The following CNTN4 variants were observed in gnomAD, a reference collection of about 807,000 sequenced individuals.
The protein encoded by CNTN4 is contactin 4, also known as contactin-4.
CNTN4 carries 77 observed loss-of-function variants against 122.5 expected under a neutral mutation model. The observed-to-expected ratio is 0.63, with a 90% confidence interval of 0.52 to 0.76. CNTN4 has a LOEUF of 0.76. CNTN4 is among the 30% of genes least tolerant of loss of function. The pLI, the probability that CNTN4 is intolerant of heterozygous loss-of-function variation, is 0.00. For synonymous variants in CNTN4, 512 were observed against 447.0 expected (o/e 1.15, Z -1.83); for missense variants, 1,256 against 1,259.1 (o/e 1.00, Z 0.04).
intron 3 of CNTN4, among the ~76,000 whole-genome samples, chr3:2,426,504 T>C (rs1488639766): frequency 6.6e-6 from 1 of 152,102 alleles, no homozygotes; most frequent in African/African-American, 2.4e-5. Flanking sequence ...CATCGATGTT[T>C]ATCATGGATA....
chr3:2,525,801 A>C (rs1421783312), intron 3 of CNTN4, among the ~76,000 whole-genome samples: 1 of 152,170 alleles, frequency 6.6e-6, no homozygotes, highest in African/African-American at 2.4e-5. Context: ...ACTGAAGGAA[A>C]TGGTTGATTA....
At chr3:2,828,777 A>G (rs1219424679) in intron 7 of CNTN4, among the ~76,000 whole-genome samples, 4 of 152,080 alleles carry the variant, frequency 2.6e-5, no homozygotes, top group African/African-American at 4.8e-5. Flanking sequence ...ATCTCACTCT[A>G]TCACCTAGTC....
chr3:2,524,775 A>T (rs912832254), intron 3 of CNTN4, among the ~76,000 whole-genome samples: 5 of 152,170 alleles, frequency 3.3e-5, no homozygotes, highest in Admixed American at 2.0e-4. Context: ...TGTTCTGCAA[A>T]AAAAGAGTAT....
intron 3 of CNTN4, among the ~76,000 whole-genome samples, chr3:2,441,492 T>C (rs949851737): frequency 6.6e-6 from 1 of 152,228 alleles, no homozygotes; most frequent in Non-Finnish European, 1.5e-5. Context: ...AAGCTGAAGA[T>C]AAAGTATAAC....
rs112809923 is a variant in CNTN4 at position 2,871,693 on chromosome 3, G to T, written c.652+4744G>T. The stretch of plus-strand genomic sequence containing the variant: ...AAAATGGCATCAGGACAGATTCCTG[G>T]TCCCTGATCATCATATTATTTCACT... On this transcript the variant is annotated intron_variant, in intron 8 of 24. Coordinates refer to ENST00000418658, the MANE Select transcript of CNTN4 (RefSeq NM_175607.3). Among the ~76,000 whole-genome samples the T allele has an allele frequency of 6.2e-3, 949 of 152,200 alleles. 8 individuals carry two copies. Among genetic ancestry groups the T allele is most frequent in the African/African-American group, 0.022 (914 of 41,530 alleles).
intron 2 of CNTN4, among the ~76,000 whole-genome samples, chr3:2,267,468 C>A (rs527357219): frequency 9.9e-5 from 15 of 152,026 alleles, no homozygotes; most frequent in Non-Finnish European, 1.9e-4. Flanking sequence ...TGAATTGCAT[C>A]CCAGTTTCGA....
intron 14 of CNTN4, among the ~76,000 whole-genome samples, chr3:3,014,840 C>T (rs982436665): frequency 1.3e-5 from 2 of 148,614 alleles, no homozygotes; most frequent in African/African-American, 2.5e-5. Flanking sequence ...TGAAAATAAA[C>T]TAAATTAAGT....
chr3:2,467,200 A>G (rs893673026), intron 3 of CNTN4, among the ~76,000 whole-genome samples: 2 of 149,420 alleles, frequency 1.3e-5, no homozygotes, highest in African/African-American at 5.0e-5. Flanking sequence ...ACCCAAGGGT[A>G]TGAATATTGA....
chr3:3,023,494 C>G (rs1186270957), intron 14 of CNTN4, among the ~76,000 whole-genome samples: 1 of 152,168 alleles, frequency 6.6e-6, no homozygotes, highest in Non-Finnish European at 1.5e-5. Flanking sequence ...AAAGAAATGT[C>G]ATTCAGAAAC....
intron 3 of CNTN4, among the ~76,000 whole-genome samples, chr3:2,475,423 A>G (rs981694173): frequency 6.6e-6 from 1 of 152,206 alleles, no homozygotes; most frequent in Non-Finnish European, 1.5e-5. Flanking sequence ...TATGTGGAGT[A>G]GGATCCAGTG....
At chr3:2,738,007 A>T (rs190381424) in intron 5 of CNTN4, among the ~76,000 whole-genome samples, 18 of 152,338 alleles carry the variant, frequency 1.2e-4, no homozygotes, top group Non-Finnish European at 1.6e-4. Flanking sequence ...GGGAAGCAAA[A>T]TACTTTAAAA....
chr3:2,661,119 GC>G (rs2083870254), intron 4 of CNTN4, among the ~76,000 whole-genome samples: 1 of 152,154 alleles, frequency 6.6e-6, no homozygotes, highest in African/African-American at 2.4e-5. Flanking sequence ...TTTTTCTTCA[GC>G]TGAGCCAATA....
chr3:2,379,726 G>C (rs2045946993), intron 3 of CNTN4, among the ~76,000 whole-genome samples: 1 of 152,116 alleles, frequency 6.6e-6, no homozygotes, highest in Non-Finnish European at 1.5e-5. Context: ...CAAAGTGACA[G>C]TTTCCTCATT....
chr3:2,781,826 G>A (rs1024847717), intron 6 of CNTN4, among the ~76,000 whole-genome samples: 4 of 127,894 alleles, frequency 3.1e-5, no homozygotes, highest in African/African-American at 3.6e-5. Flanking sequence ...CCGGGTTCCC[G>A]CCATTCTCCT....
chr3:2,517,838 G>C (rs1308509701), intron 3 of CNTN4, among the ~76,000 whole-genome samples: 1 of 152,144 alleles, frequency 6.6e-6, no homozygotes, highest in Non-Finnish European at 1.5e-5. Context: ...TCTCAGAAGA[G>C]AACAAATCAT....
chr3:2,285,285 T>C (rs1389402140), intron 2 of CNTN4, among the ~76,000 whole-genome samples: 36 of 152,080 alleles, frequency 2.4e-4, no homozygotes, highest in Non-Finnish European at 1.5e-5. Context: ...GAATAGGATT[T>C]AATTTGATGA....
In CNTN4 at chr3:2,961,140, G is replaced by A. The variant is rs566035895; in HGVS notation, c.1359-27205G>A. 1.1e-4 allele frequency among the ~76,000 whole-genome samples: 16 copies of A among 140,208 alleles called. No homozygotes were observed. The East Asian group carries it at 3.6e-3, about 31-fold the overall frequency. 92.0% of individuals were successfully genotyped at this position (140,208 alleles called of 152,430 possible). A position where few individuals can be genotyped will look rare whatever the true frequency, so the allele number is the denominator to read the frequency against. ...AGCTACTCGGGAGGCTGAGGCAGGA[G>A]AATGGCGTGAACCCGGGAGGCGGAG... is the stretch of plus-strand genomic sequence containing the variant. On this transcript the variant is annotated intron_variant, in intron 13 of 24. Transcript: ENST00000418658.
At chr3:2,922,873 A>T (rs1050236303) in intron 12 of CNTN4, among the ~76,000 whole-genome samples, 1 of 152,202 alleles carries the variant, frequency 6.6e-6, no homozygotes, top group Non-Finnish European at 1.5e-5. Flanking sequence ...AGCCTCCCAA[A>T]GTGCTGGGAT....
intron 2 of CNTN4, among the ~76,000 whole-genome samples, chr3:2,231,326 G>A (rs1015232607): frequency 2.0e-5 from 3 of 152,188 alleles, no homozygotes; most frequent in African/African-American, 7.2e-5. Context: ...TAGGCATGGA[G>A]ATGCTCAGAG....
Sources: allele counts gnomAD v4.1 joint callset (sites outside exome capture counted in the v4.1 genomes callset), GRCh38; gene constraint gnomAD v4.1.1; transcripts MANE v1.5; gene names NCBI Gene and HGNC (gene_info 2026-07-23, HGNC 2026-07-21).